Variants in ECE2 observed in about 807,000 individuals in gnomAD.
The protein encoded by ECE2 is endothelin-converting enzyme 2.
Under a neutral mutation model 100.6 loss-of-function variants are expected in ECE2, and 81 were observed. The observed-to-expected ratio is 0.81, with a 90% CI of 0.67 to 0.97. ECE2 has a LOEUF of 0.97. ECE2 is among the 50% of genes least tolerant of loss of function. The pLI, the probability that ECE2 is intolerant of heterozygous loss-of-function variation, is 0.00. For missense variants in ECE2, 911 were observed against 988.1 expected, an observed-to-expected ratio of 0.92 and a Z score of 1.05; for synonymous variants, 391 against 391.5, an observed-to-expected ratio of 1.00 and a Z score of 0.02.
At chr3:184,276,383 G>A (rs1720548820) in intron 1 of ECE2, 98 bp from the exon 2 acceptor site, 1 of 1,482,492 alleles carries the variant, frequency 6.7e-7, no homozygotes, top group African/African-American at 1.4e-5. Flanking sequence ...CCTCTTAGCA[G>A]GGCGGAGGGG....
intron 13 of ECE2, 30 bp from the exon 14 acceptor site, chr3:184,290,225 C>T: frequency 6.4e-7 from 1 of 1,572,186 alleles, no homozygotes; most frequent in Non-Finnish European, 8.7e-7. Context: ...GATTCTCTTG[C>T]TCTCTTTCTA....
At chr3:184,278,403 C>G in intron 6 of ECE2, 89 bp from the exon 7 acceptor site, 3 of 1,586,256 alleles carry the variant, frequency 1.9e-6, no homozygotes, top group Non-Finnish European at 2.6e-6. Flanking sequence ...CTGGGCTGAC[C>G]CCCCGGCCCC....
chr3:184,290,514 C>A, intron 14 of ECE2, 43 bp from the exon 15 acceptor site: 1 of 1,595,572 alleles, frequency 6.3e-7, no homozygotes, highest in Non-Finnish European at 8.6e-7. Flanking sequence ...GGAGCAGTGT[C>A]AGGAGAGTCG....
rs369773222 is a variant in ECE2, at chr3:184,289,422, C to T, written c.1375-15C>T. The T allele has an allele frequency of 6.6e-5, 105 of 1,587,640 alleles. No individual in the cohort carries two copies. The African/African-American group carries it at 1.2e-3, about 18-fold the overall frequency. ...TCAGTGCAGGGGAAGGCTGACTTTA[C>T]CTCCTCCCTCCCAGGCAGAGGGGAT... On this transcript the variant is annotated splice_polypyrimidine_tract_variant and intron_variant, in intron 11 of 18. Transcript: ENST00000404464. The surrounding 1 kb of genome is among the most constrained non-coding windows in gnomAD (Gnocchi z 4.1).
In ECE2 at chr3:184,289,518, C is replaced by T; in HGVS notation, c.1456C>T (p.Gln486Ter). 1 of 1,613,040 alleles carries T rather than the reference C, an allele frequency of 6.2e-7. No homozygotes were observed. The highest frequency in any genetic ancestry group is 2.2e-5 in the East Asian group (1 of 44,862). ...QLVWMDEKTR[Q>*]AAKEKADAIY... ...GGTTTGGATGGATGAGAAGACCCGC[C>T]AGGCAGCCAAGGAGAAAGTGAGCGG... The change falls in exon 12 of 19, where the codon CAG (glutamine) becomes TAG (stop). Residue 486 changes from glutamine to a stop codon, truncating the protein, a stop_gained. Transcript: ENST00000404464. LOFTEE classifies it high-confidence loss of function. The surrounding 1 kb of genome is among the most constrained non-coding windows in gnomAD (Gnocchi z 4.1).
At chr3:184,276,254 T>C in intron 1 of ECE2, 62 bp downstream of exon 1, 1 of 1,427,794 alleles carries the variant, frequency 7.0e-7, no homozygotes, top group Non-Finnish European at 9.1e-7. Context: ...GGCAGAGGGG[T>C]CGGCCGCGGA....
chr3:184,279,886 CAGTT>C (rs1218707326), intron 7 of ECE2, among the ~76,000 whole-genome samples: 1 of 152,012 alleles, frequency 6.6e-6, no homozygotes, highest in Non-Finnish European at 1.5e-5. Flanking sequence ...TTTGGGAAGT[CAGTT>C]TGTTTGGGGT....
At position 184,292,326 on chromosome 3, in the gene ECE2, C is replaced by A; in HGVS notation, c.*88C>A. Reference sequence around the variant, plus strand: ...TGTTTGCTCTTGGGTTGGGAGGAAGCAAATGCAAGCTGGGCTGGGTCTAGT... The same window carrying A: ...TGTTTGCTCTTGGGTTGGGAGGAAGAAAATGCAAGCTGGGCTGGGTCTAGT... On this transcript the variant is annotated 3_prime_UTR_variant, in exon 19 of 19. Transcript: ENST00000404464. The A allele has an allele frequency of 2.0e-6, 3 of 1,510,358 alleles. No individual in the cohort carries two copies. In the South Asian group the frequency reaches 3.7e-5, roughly 19 times the overall value. The allele number at this position is 1,510,358 out of a possible 1,614,324, so 93.6% of individuals were successfully genotyped here. A position where few individuals can be genotyped will look rare whatever the true frequency, so the allele number is the denominator to read the frequency against.
At chr3:184,276,300 G>GC in intron 1 of ECE2, 108 bp downstream of exon 1, 1 of 1,386,904 alleles carries the variant, frequency 7.2e-7, no homozygotes, top group Non-Finnish European at 9.6e-7. Flanking sequence ...AGGTAAGGCT[G>GC]CCTCCCGGGC....
At chr3:184,290,918 C>T (rs1721281148) in intron 16 of ECE2, 58 bp downstream of exon 16, 2 of 1,611,406 alleles carry the variant, frequency 1.2e-6, no homozygotes, top group African/African-American at 1.3e-5. Flanking sequence ...TCCTGCAAGG[C>T]CTTGGGACAT....
chr3:184,280,727 C>T (rs186903891), intron 7 of ECE2, among the ~76,000 whole-genome samples: 39 of 152,194 alleles, frequency 2.6e-4, no homozygotes, highest in Admixed American at 5.9e-4. Context: ...ACCTGTAATC[C>T]CAGCACTTTG....
chr3:184,286,965 G>A (rs1310063227), intron 10 of ECE2, among the ~76,000 whole-genome samples: 1 of 151,528 alleles, frequency 6.6e-6, no homozygotes, highest in African/African-American at 2.4e-5. Flanking sequence ...TTGAGTGGAT[G>A]GGAAAGATGA....
intron 7 of ECE2, chr3:184,278,822 A>C: frequency 5.9e-6 from 3 of 512,378 alleles, no homozygotes; most frequent in Non-Finnish European, 1.0e-5. Flanking sequence ...TCTGAGATAT[A>C]AGTTTCCGAG....
In ECE2 at chr3:184,292,101, G is replaced by C; in HGVS notation, c.2161G>C (p.Gly721Arg). Residue 721 changes from glycine (G) to arginine (R), a missense_variant, in exon 19 of 19, where the codon GGG becomes CGG. Physicochemically the swap from Gly to Arg is moderately radical, Grantham distance 125. Coordinates refer to ENST00000404464, the MANE Select transcript of ECE2 (RefSeq NM_001100121.2). ...SVRTPESSHEGLVTDPHSPAR... is the reference protein window; with the variant it reads ...SVRTPESSHERLVTDPHSPAR... ...CCGCACACCAGAGAGCTCTCACGAG[G>C]GGCTGGTGACCGACCCCCACAGCCC... is the stretch of plus-strand genomic sequence containing the variant. 6.2e-7 allele frequency: 1 copy of C among 1,614,010 alleles called. No individual in the cohort carries two copies. The highest frequency in any genetic ancestry group is 8.5e-7 in the Non-Finnish European group (1 of 1,180,004).
rs768251624 is a variant in ECE2, at chr3:184,290,552, G to A, written c.1656-5G>A. On this transcript the variant is annotated splice_region_variant and splice_polypyrimidine_tract_variant and intron_variant, in intron 14 of 18. Transcript: ENST00000404464. ...AGCCTCAGCCCCTCACTCTTCCTCC[G>A]CCAGGTGGAGCATGACCCCCCAGAC... 1.5e-5 allele frequency: 24 copies of A among 1,613,222 alleles called. No individual in the cohort carries two copies. The highest frequency in any genetic ancestry group is 1.1e-4 in the African/African-American group (8 of 74,886).
intron 1 of ECE2, 99 bp from the exon 2 acceptor site, chr3:184,276,382 A>G (rs1241611898): frequency 2.7e-6 from 4 of 1,473,668 alleles, no homozygotes; most frequent in Non-Finnish European, 3.7e-6. Context: ...CCCTCTTAGC[A>G]GGGCGGAGGG....
At chr3:184,287,567 T>C (rs1190791847) in intron 10 of ECE2, among the ~76,000 whole-genome samples, 1 of 152,104 alleles carries the variant, frequency 6.6e-6, no homozygotes, top group Non-Finnish European at 1.5e-5. Context: ...TGGTGGCATG[T>C]GCCTGGGGTC....
At chr3:184,276,736 A>C (rs777689760) in intron 2 of ECE2, 156 bp from the exon 3 acceptor site, 14 of 1,549,956 alleles carry the variant, frequency 9.0e-6, no homozygotes, top group African/African-American at 2.7e-5. Flanking sequence ...GACGTTGCAC[A>C]AAACAGACTC....
At chr3:184,278,850 G>A (rs1488471621) in intron 7 of ECE2, 4 of 464,940 alleles carry the variant, frequency 8.6e-6, no homozygotes, top group South Asian at 5.1e-5. Context: ...CACAGGAAGC[G>A]TTCAGTGTCG....
Sources: allele counts gnomAD v4.1 joint callset (sites outside exome capture counted in the v4.1 genomes callset), GRCh38; gene constraint gnomAD v4.1.1; non-coding constraint Gnocchi (gnomAD v3.1); transcripts MANE v1.5; gene names NCBI Gene and HGNC (gene_info 2026-07-23, HGNC 2026-07-21).